The following SHANK2 variants were observed in gnomAD, a reference collection of about 807,000 sequenced individuals.
The protein encoded by SHANK2 is SH3 and multiple ankyrin repeat domains protein 2.
Under a neutral mutation model 133.7 loss-of-function variants are expected in SHANK2, and 43 were observed. The ratio of observed to expected loss-of-function variants is 0.32; its 90% CI spans 0.25 to 0.41. The LOEUF is 0.41. Ranked by LOEUF, SHANK2 falls within the 10% of genes least tolerant of loss-of-function variation. The pLI, the probability that SHANK2 is intolerant of heterozygous loss-of-function variation, is 1.00. For synonymous variants in SHANK2, 1,017 were observed against 952.8 expected, an observed-to-expected ratio of 1.07 and a Z score of -1.24; for missense variants, 1,994 against 2,235.8, an observed-to-expected ratio of 0.89 and a Z score of 2.18.
chr11:70,921,643 C>T lies in SHANK2; in HGVS notation c.1108-25076G>A, dbSNP rs578045295. Among the ~76,000 whole-genome samples the T allele has an allele frequency of 5.0e-4, 76 of 152,292 alleles. 1 individual carries two copies. Among genetic ancestry groups the T allele is most frequent in the African/African-American group, 1.7e-3 (69 of 41,558 alleles). ...CAGGAGAGAAATGCTGGTAAGCACA[C>T]GAGGCTCTCACTTGAAAGTGCTGAG... On this transcript the variant is annotated intron_variant, in intron 10 of 25. Transcript: ENST00000601538.
chr11:70,876,066 G>A (rs1400471142), intron 11 of SHANK2, among the ~76,000 whole-genome samples: 5 of 151,112 alleles, frequency 3.3e-5, no homozygotes, highest in Admixed American at 2.6e-4. Context: ...TGAGGCAGGA[G>A]AATCACTTGA....
At chr11:70,673,067 G>A (rs1944844725) in intron 15 of SHANK2, among the ~76,000 whole-genome samples, 1 of 152,196 alleles carries the variant, frequency 6.6e-6, no homozygotes, top group Admixed American at 6.5e-5. Flanking sequence ...GATGCAGGCT[G>A]GGTGTCCCCC....
At chr11:70,948,128 T>C (rs1950777514) in intron 10 of SHANK2, among the ~76,000 whole-genome samples, 2 of 152,148 alleles carry the variant, frequency 1.3e-5, no homozygotes, top group African/African-American at 4.8e-5. Flanking sequence ...CTTCCTCTTT[T>C]CCTGGTCTTT....
At chr11:70,728,099 G>A (rs955353790) in intron 14 of SHANK2, among the ~76,000 whole-genome samples, 1 of 152,218 alleles carries the variant, frequency 6.6e-6, no homozygotes, top group East Asian at 1.9e-4. Flanking sequence ...GCAGGTGTAT[G>A]CGGAGCCTAC....
At chr11:70,788,044 C>T (rs1392783161) in intron 14 of SHANK2, among the ~76,000 whole-genome samples, 3 of 152,168 alleles carry the variant, frequency 2.0e-5, no homozygotes, top group Non-Finnish European at 2.9e-5. Flanking sequence ...AAGGCTGGAA[C>T]GATAACGTTA....
chr11:70,593,758 C>T (rs927806917), intron 17 of SHANK2, among the ~76,000 whole-genome samples: 17 of 152,188 alleles, frequency 1.1e-4, no homozygotes, highest in Non-Finnish European at 2.4e-4. Context: ...TCTCGAGTGA[C>T]AAGGACTCCA....
At chr11:70,693,367 T>C (rs1312155970) in intron 15 of SHANK2, among the ~76,000 whole-genome samples, 1 of 152,250 alleles carries the variant, frequency 6.6e-6, no homozygotes, top group Non-Finnish European at 1.5e-5. Flanking sequence ...TGGCTATTCC[T>C]GCAGTGTCGA....
At chr11:70,518,026 C>A (rs2059286753) in intron 17 of SHANK2, among the ~76,000 whole-genome samples, 1 of 152,160 alleles carries the variant, frequency 6.6e-6, no homozygotes, top group Non-Finnish European at 1.5e-5. Flanking sequence ...AATATAAAGT[C>A]TACTAATTAA....
At position 70,944,588 on chromosome 11, in the gene SHANK2, G is replaced by A. The variant is rs188348990; in HGVS notation, c.1108-48021C>T. 1.5e-3 allele frequency among the ~76,000 whole-genome samples: 225 copies of A among 152,314 alleles called. 3 individuals are homozygous for A. The highest frequency in any genetic ancestry group is 6.8e-3 in the Middle Eastern group (2 of 294). On this transcript the variant is annotated intron_variant, in intron 10 of 25. Coordinates refer to ENST00000601538, the MANE Select transcript of SHANK2 (RefSeq NM_012309.5). ...AGGTCAGACCCCAGATCCTCTATGC[G>A]CAACTTGATTTTTCTCTCTTGAAAC...
chr11:70,617,953 C>A (rs986753888), intron 17 of SHANK2, among the ~76,000 whole-genome samples: 1 of 151,838 alleles, frequency 6.6e-6, no homozygotes, highest in Admixed American at 6.6e-5. Context: ...CAAACCTGCA[C>A]GTTGTGCACA....
At chr11:70,814,321 T>C (rs1300409169) in intron 12 of SHANK2, among the ~76,000 whole-genome samples, 2 of 141,618 alleles carry the variant, frequency 1.4e-5, no homozygotes, top group East Asian at 3.9e-4. Flanking sequence ...TGAGACTCTG[T>C]CTCAAAAAAA....
chr11:70,543,088 G>A (rs1295228597), intron 17 of SHANK2, among the ~76,000 whole-genome samples: 1 of 152,178 alleles, frequency 6.6e-6, no homozygotes, highest in Non-Finnish European at 1.5e-5. Flanking sequence ...GCTCCCCAGG[G>A]TAACTGCATG....
intron 2 of SHANK2, among the ~76,000 whole-genome samples, chr11:71,216,033 C>A (rs1371852071): frequency 5.3e-5 from 2 of 37,798 alleles, no homozygotes; most frequent in African/African-American, 2.4e-4. Flanking sequence ...AGAGGAGGTC[C>A]AACGGCGCAG....
chr11:70,924,485 C>G (rs559329998), intron 10 of SHANK2, among the ~76,000 whole-genome samples: 135 of 152,192 alleles, frequency 8.9e-4, no homozygotes, highest in Admixed American at 4.3e-3. Context: ...AAGACAAAGT[C>G]TTGCTCTGTC....
chr11:70,528,275 G>A (rs1310206777), intron 17 of SHANK2, among the ~76,000 whole-genome samples: 5 of 152,208 alleles, frequency 3.3e-5, no homozygotes, highest in African/African-American at 1.2e-4. Context: ...GGCTGCTGTG[G>A]TGCCCTAGTA....
chr11:70,795,824 T>C lies in SHANK2; in HGVS notation c.1777+2619A>G, dbSNP rs1947897950. 2.6e-5 allele frequency among the ~76,000 whole-genome samples: 4 copies of C among 152,166 alleles called. No homozygotes were observed. In the South Asian group the frequency reaches 8.3e-4, roughly 32 times the overall value. On this transcript the variant is annotated intron_variant, in intron 14 of 25. Transcript: ENST00000601538. Reference sequence around the variant, plus strand: ...GCTTTGGAGACGGAGGAAGGGGCCATGAGCCAAGGATGTCGGAAAGGCAAG... The same window carrying C: ...GCTTTGGAGACGGAGGAAGGGGCCACGAGCCAAGGATGTCGGAAAGGCAAG...
chr11:71,162,878 C>A (rs1325082503), intron 2 of SHANK2, among the ~76,000 whole-genome samples: 18 of 151,732 alleles, frequency 1.2e-4, no homozygotes, highest in African/African-American at 3.9e-4. Flanking sequence ...CAAGATCATC[C>A]TGACTAACAT....
At chr11:70,885,701 A>G (rs1432747034) in intron 11 of SHANK2, among the ~76,000 whole-genome samples, 2 of 152,124 alleles carry the variant, frequency 1.3e-5, no homozygotes, top group African/African-American at 4.8e-5. Context: ...TCAGGACAAA[A>G]TCCACAATTG....
chr11:70,736,272 T>A (rs1946401587), intron 14 of SHANK2, among the ~76,000 whole-genome samples: 1 of 152,098 alleles, frequency 6.6e-6, no homozygotes, highest in South Asian at 2.1e-4. Context: ...TCTCTAGTTG[T>A]GAGGATGTAA....
Sources: gnomAD v4.1 joint callset for allele counts (sites outside exome capture counted in the v4.1 genomes callset) on GRCh38, gnomAD v4.1.1 for gene constraint, MANE v1.5 for transcripts, NCBI Gene and HGNC (gene_info 2026-07-23, HGNC 2026-07-21) for gene names.